GANC: variants seen among roughly 807,000 people sequenced by gnomAD.
GANC encodes neutral alpha-glucosidase C.
Under a neutral mutation model 124.2 loss-of-function variants are expected in GANC, and 117 were observed. That is an observed-to-expected ratio of 0.94 (90% CI 0.81 to 1.10). The LOEUF is 1.10. GANC is among the 50% of genes least tolerant of loss of function. The pLI is 0.00. For missense variants in GANC, 1,140 were observed against 1,095.0 expected (o/e 1.04, Z -0.58); for synonymous variants, 377 against 376.8 (o/e 1.00, Z -0.01).
intron 10 of GANC, among the ~76,000 whole-genome samples, chr15:42,317,637 A>T (rs928282591): frequency 2.0e-5 from 3 of 149,540 alleles, no homozygotes; most frequent in Non-Finnish European, 4.4e-5. Flanking sequence ...TTAGATGGGT[A>T]AATTGCATGG....
intron 15 of GANC, among the ~76,000 whole-genome samples, chr15:42,331,775 T>C (rs1325493242): frequency 6.6e-6 from 1 of 152,238 alleles, no homozygotes; most frequent in Non-Finnish European, 1.5e-5. Context: ...TGATAGATTA[T>C]CGTGAGGCTA....
At chr15:42,305,277 C>G (rs912493707) in intron 6 of GANC, among the ~76,000 whole-genome samples, 7 of 152,094 alleles carry the variant, frequency 4.6e-5, no homozygotes, top group Admixed American at 1.3e-4. Flanking sequence ...ACAACCCCAT[C>G]AAAAAGTGGA....
intron 3 of GANC, among the ~76,000 whole-genome samples, chr15:42,286,815 T>C (rs983599128): frequency 2.0e-5 from 3 of 152,238 alleles, no homozygotes; most frequent in African/African-American, 7.2e-5. Context: ...TTACCGAGTT[T>C]AGCTGTCATT....
intron 19 of GANC, among the ~76,000 whole-genome samples, chr15:42,345,102 G>A (rs565474811): frequency 3.9e-5 from 6 of 152,020 alleles, no homozygotes; most frequent in African/African-American, 1.4e-4. Context: ...TTCTGCTTCT[G>A]ATGATATCTT....
At chr15:42,339,301 CT>C (rs886751468) in intron 16 of GANC, among the ~76,000 whole-genome samples, 2 of 133,726 alleles carry the variant, frequency 1.5e-5, no homozygotes, top group African/African-American at 5.9e-5. Context: ...AACCACCCCC[CT>C]CCAACACACA....
chr15:42,293,455 A>G (rs1428882381), intron 5 of GANC, among the ~76,000 whole-genome samples: 8 of 152,254 alleles, frequency 5.3e-5, no homozygotes, highest in Non-Finnish European at 4.4e-5. Flanking sequence ...TAATAAACGT[A>G]TTATATGATC....
intron 6 of GANC, among the ~76,000 whole-genome samples, chr15:42,306,011 G>A (rs1566953981): frequency 2.0e-5 from 3 of 146,816 alleles, no homozygotes; most frequent in Admixed American, 1.4e-4. Context: ...GTTGATGGGT[G>A]CAGCAAACCA....
intron 4 of GANC, among the ~76,000 whole-genome samples, chr15:42,288,077 G>C (rs2051808317): frequency 6.6e-6 from 1 of 152,004 alleles, no homozygotes; most frequent in Non-Finnish European, 1.5e-5. Context: ...TTATTTAACG[G>C]GGAGAAGCAG....
chr15:42,346,827 T>A (rs1350456542), intron 20 of GANC, among the ~76,000 whole-genome samples: 2 of 152,164 alleles, frequency 1.3e-5, no homozygotes, highest in African/African-American at 4.8e-5. Context: ...AAAGGGAACT[T>A]TCTTTCTACA....
At chr15:42,349,564 C>A in intron 22 of GANC, 69 bp downstream of exon 22, 2 of 764,940 alleles carry the variant, frequency 2.6e-6, no homozygotes, top group South Asian at 1.9e-5. Context: ...ATCCTCAAAT[C>A]AAATGCACAG....
chr15:42,313,763 T>G, intron 10 of GANC: 1 of 344,624 alleles, frequency 2.9e-6, no homozygotes, highest in Non-Finnish European at 5.3e-6. Flanking sequence ...CCAACATCAG[T>G]TTCTGTTTAT....
intron 4 of GANC, 40 bp from the exon 5 acceptor site, chr15:42,292,695 C>G: frequency 6.3e-7 from 1 of 1,594,644 alleles, no homozygotes; most frequent in East Asian, 2.2e-5. Flanking sequence ...CCATGTAAAC[C>G]TATAGCAGCT....
intron 15 of GANC, among the ~76,000 whole-genome samples, chr15:42,335,239 C>T (rs1381298709): frequency 1.3e-5 from 2 of 152,120 alleles, no homozygotes; most frequent in African/African-American, 2.4e-5. Flanking sequence ...AGACTGAATT[C>T]AGCAGCACAT....
At chr15:42,324,052 T>A (rs2052181067) in intron 11 of GANC, among the ~76,000 whole-genome samples, 1 of 151,268 alleles carries the variant, frequency 6.6e-6, no homozygotes, top group Non-Finnish European at 1.5e-5. Context: ...GGGGTTAATA[T>A]CCAGAATATA....
rs747829704 is a variant in GANC at position 42,338,395 on chromosome 15, T to G, written c.1748T>G (p.Val583Gly). ...TTGTTGCTGGTGACCAAAGGTGCCG[T>G]GTGGACAGGCGACAACACAGCAGAA... is the stretch of plus-strand genomic sequence containing the variant. Reference protein sequence around the residue: ...FFAGSQKYGAVWTGDNTAEWS... With the variant: ...FFAGSQKYGAGWTGDNTAEWS... Residue 583 changes from valine (V) to glycine (G), a missense_variant, in exon 16 of 24, where the codon GTG becomes GGG. Transcript: ENST00000318010. 3.1e-6 allele frequency: 5 copies of G among 1,613,372 alleles called. No homozygotes were observed. Among genetic ancestry groups the G allele is most frequent in the Non-Finnish European group, 4.2e-6 (5 of 1,179,428 alleles).
At chr15:42,302,248 G>C (rs6493038) in intron 6 of GANC, among the ~76,000 whole-genome samples, 146,538 of 152,322 alleles carry the variant, frequency 0.96, 70,686 homozygotes, top group Non-Finnish European at 1. Context: ...TTCAGCAGAC[G>C]TGCAGCAGAG....
chr15:42,292,486 T>C (rs967368418), intron 4 of GANC, among the ~76,000 whole-genome samples: 2 of 152,142 alleles, frequency 1.3e-5, no homozygotes, highest in Non-Finnish European at 2.9e-5. Context: ...ACTTTACAGA[T>C]AAGGAAACCA....
At chr15:42,319,155 C>T (rs1228918723) in intron 10 of GANC, among the ~76,000 whole-genome samples, 1 of 151,810 alleles carries the variant, frequency 6.6e-6, no homozygotes, top group African/African-American at 2.4e-5. Flanking sequence ...CTTTCTTATC[C>T]TCTGATGGTT....
chr15:42,333,798 A>G (rs1012633892), intron 15 of GANC, among the ~76,000 whole-genome samples: 7 of 152,192 alleles, frequency 4.6e-5, no homozygotes, highest in African/African-American at 1.7e-4. Flanking sequence ...TGTTATTGCT[A>G]CTGTTATTAT....
Sources: allele counts gnomAD v4.1 joint callset (sites outside exome capture counted in the v4.1 genomes callset), GRCh38; gene constraint gnomAD v4.1.1; transcripts MANE v1.5; gene names NCBI Gene and HGNC (gene_info 2026-07-23, HGNC 2026-07-21).